Variants in GBE1 observed in about 807,000 individuals in gnomAD.
The protein encoded by GBE1 is 1,4-alpha-glucan-branching enzyme.
Under a neutral mutation model 88.8 loss-of-function variants are expected in GBE1, and 70 were observed. The observed-to-expected ratio is 0.79, with a 90% CI of 0.65 to 0.96. The LOEUF is 0.96. Among genes scored for constraint, GBE1 ranks in the 40% least tolerant of loss-of-function variants. The probability of loss-of-function intolerance (pLI) is 0.00; values close to 1 mark genes in which losing one functional copy is unlikely to be tolerated. For missense variants in GBE1, 872 were observed against 871.0 expected, an observed-to-expected ratio of 1.00 and a Z score of -0.01; for synonymous variants, 284 against 300.1, an observed-to-expected ratio of 0.95 and a Z score of 0.56.
rs56234525 is a variant in GBE1 at position 81,760,974 on chromosome 3, C to T, written c.143+401G>A. ...GTTTTAAATGCGTAATTACACGTGC[C>T]AGGAGTTATGCCCACGTTACTCCAC... On this transcript the variant is annotated intron_variant, in intron 1 of 15. Coordinates refer to ENST00000429644, the MANE Select transcript of GBE1 (RefSeq NM_000158.4). 5.0e-3 allele frequency among the ~76,000 whole-genome samples: 766 copies of T among 152,344 alleles called. 1 individual carries two copies. The highest frequency in any genetic ancestry group is 0.018 in the African/African-American group (735 of 41,576).
Position 81,759,809 on chromosome 3 carries a change from A to C in GBE1, c.143+1566T>G, listed in dbSNP as rs146147064. 4.1e-3 allele frequency among the ~76,000 whole-genome samples: 618 copies of C among 152,342 alleles called. 9 individuals are homozygous for C. Among genetic ancestry groups the C allele is most frequent in the Middle Eastern group, 0.014 (4 of 294 alleles). The stretch of plus-strand genomic sequence containing the variant: ...AGTTGGAAATAAAGTACATGAAAGA[A>C]ACACTTAATAAAGAATGTTAATCTG... On this transcript the variant is annotated intron_variant, in intron 1 of 15. Coordinates refer to ENST00000429644, the MANE Select transcript of GBE1 (RefSeq NM_000158.4).
At chr3:81,760,771 T>C (rs942705513) in intron 1 of GBE1, among the ~76,000 whole-genome samples, 2 of 152,218 alleles carry the variant, frequency 1.3e-5, no homozygotes, top group African/African-American at 2.4e-5. Context: ...CGGACAAATG[T>C]TGATGTACAT....
rs781174947 is a variant in GBE1, at chr3:81,761,458, G to A, written c.60C>T (p.Ala20=). The change falls in exon 1 of 16, where the codon GCC becomes GCT. Residue 20 remains alanine (A), a synonymous_variant. Transcript: ENST00000429644. The part of the protein sequence containing the change: ...RPEDYEAALN[A]ALADVPELAR... ...CCAGTTCGGGCACGTCAGCCAGGGC[G>A]GCATTGAGCGCCGCCTCGTAGTCCT... 6.2e-7 allele frequency: 1 copy of A among 1,613,572 alleles called. No individual in the cohort carries two copies.
intron 1 of GBE1, among the ~76,000 whole-genome samples, chr3:81,735,591 C>T (rs1335001628): frequency 2.6e-5 from 4 of 152,176 alleles, no homozygotes; most frequent in Non-Finnish European, 4.4e-5. Flanking sequence ...AGCCTTGACT[C>T]GAACTGATAT....
intron 14 of GBE1, among the ~76,000 whole-genome samples, chr3:81,510,768 C>A (rs1160928159): frequency 1.3e-5 from 2 of 151,998 alleles, no homozygotes; most frequent in Non-Finnish European, 2.9e-5. Context: ...GAGTTTTAAA[C>A]ACACATGCAC....
At chr3:81,553,059 T>C (rs531538845) in intron 12 of GBE1, among the ~76,000 whole-genome samples, 3 of 152,296 alleles carry the variant, frequency 2.0e-5, no homozygotes, top group Non-Finnish European at 4.4e-5. Context: ...AAGTACATGA[T>C]TTGAACAACA....
chr3:81,624,711 T>C (rs1402026550), intron 7 of GBE1, among the ~76,000 whole-genome samples: 1 of 152,122 alleles, frequency 6.6e-6, no homozygotes, highest in Non-Finnish European at 1.5e-5. Context: ...AGATATTTAT[T>C]TGAGCCAGTT....
intron 2 of GBE1, among the ~76,000 whole-genome samples, chr3:81,686,628 T>C (rs1705445141): frequency 6.6e-6 from 1 of 152,036 alleles, no homozygotes; most frequent in Admixed American, 6.6e-5. Context: ...TGGTGGCGTA[T>C]GCCTGTAATC....
intron 7 of GBE1, among the ~76,000 whole-genome samples, chr3:81,616,130 C>T (rs2107002387): frequency 6.6e-6 from 1 of 152,130 alleles, no homozygotes; most frequent in Non-Finnish European, 1.5e-5. Context: ...GATTTGAGAC[C>T]TCTTTGGGTA....
Position 81,733,210 on chromosome 3 carries a change from A to C in GBE1, c.144-27597T>G, listed in dbSNP as rs1015348690. On this transcript the variant is annotated intron_variant, in intron 1 of 15. Transcript: ENST00000429644. The surrounding 1 kb of genome is among the most constrained non-coding windows in gnomAD (Gnocchi z 4.0). ...CACATAGAACCCTACTGTGAACTGC[A>C]CATGCAAGGGATCTAAGTTGCGTGT... 1.3e-5 allele frequency among the ~76,000 whole-genome samples: 2 copies of C among 152,072 alleles called. No individual in the cohort carries two copies. The highest frequency in any genetic ancestry group is 2.4e-5 in the African/African-American group (1 of 41,410).
At chr3:81,548,966 T>C (rs1703240592) in intron 12 of GBE1, among the ~76,000 whole-genome samples, 1 of 151,012 alleles carries the variant, frequency 6.6e-6, no homozygotes, top group African/African-American at 2.4e-5. Context: ...GTGAACAAAA[T>C]TTGAAACATA....
chr3:81,685,932 TC>T (rs1427430674), intron 2 of GBE1, among the ~76,000 whole-genome samples: 1 of 152,156 alleles, frequency 6.6e-6, no homozygotes, highest in Non-Finnish European at 1.5e-5. Flanking sequence ...CTAAAATGTG[TC>T]TGAAATACTC....
chr3:81,495,393 AAAAC>A (rs1339351710), intron 15 of GBE1, among the ~76,000 whole-genome samples: 2 of 152,296 alleles, frequency 1.3e-5, no homozygotes, highest in African/African-American at 4.8e-5. Flanking sequence ...CGTCTCACAA[AAAAC>A]AAACAAACAT....
chr3:81,628,092 G>A (rs1450537378), intron 7 of GBE1, among the ~76,000 whole-genome samples: 1 of 152,006 alleles, frequency 6.6e-6, no homozygotes, highest in Non-Finnish European at 1.5e-5. Context: ...GACAGGGAGG[G>A]GCCATTTGTT....
intron 6 of GBE1, among the ~76,000 whole-genome samples, chr3:81,644,178 A>C (rs1704733788): frequency 6.6e-6 from 1 of 152,186 alleles, no homozygotes; most frequent in Non-Finnish European, 1.5e-5. Context: ...AAAAATAAAC[A>C]CCACTGATCA....
intron 12 of GBE1, among the ~76,000 whole-genome samples, chr3:81,550,741 A>T (rs990076737): frequency 6.6e-6 from 1 of 152,188 alleles, no homozygotes; most frequent in Non-Finnish European, 1.5e-5. Context: ...TCACCATGAC[A>T]GTCTACAAAT....
intron 2 of GBE1, among the ~76,000 whole-genome samples, chr3:81,683,383 G>A (rs1048788368): frequency 6.6e-6 from 1 of 152,144 alleles, no homozygotes; most frequent in Non-Finnish European, 1.5e-5. Context: ...CACATAGTGA[G>A]ATATATAAAA....
intron 1 of GBE1, among the ~76,000 whole-genome samples, chr3:81,748,063 T>C (rs935874550): frequency 6.6e-6 from 1 of 152,074 alleles, no homozygotes; most frequent in African/African-American, 2.4e-5. Context: ...GAGGTTGCAG[T>C]GAGCCGAGAT....
intron 3 of GBE1, among the ~76,000 whole-genome samples, chr3:81,666,735 T>C (rs1215663734): frequency 6.6e-6 from 1 of 152,164 alleles, no homozygotes; most frequent in Admixed American, 6.6e-5. Flanking sequence ...CACAAACATA[T>C]CAATGTGACA....
Sources: gnomAD v4.1 joint callset for allele counts (sites outside exome capture counted in the v4.1 genomes callset) on GRCh38, gnomAD v4.1.1 for gene constraint, Gnocchi (gnomAD v3.1) non-coding constraint, MANE v1.5 for transcripts, NCBI Gene and HGNC (gene_info 2026-07-23, HGNC 2026-07-21) for gene names.